ITPKC: variants seen among roughly 807,000 people sequenced by gnomAD.
ITPKC encodes the protein inositol-trisphosphate 3-kinase C.
In ITPKC, 33 loss-of-function variants were observed where a neutral mutation model predicts 67.1. The observed-to-expected ratio is 0.49, with a 90% CI of 0.37 to 0.66. The LOEUF (loss-of-function observed/expected upper bound fraction) is 0.66. ITPKC is among the 30% of genes least tolerant of loss of function. ITPKC has a pLI of 0.00. For synonymous variants in ITPKC, 341 were observed against 359.8 expected (o/e 0.95, Z 0.59); for missense variants, 820 against 892.1 (o/e 0.92, Z 1.03).
In ITPKC at chr19:40,739,421, A is replaced by G; in HGVS notation, c.1913A>G (p.Asp638Gly). The change falls in exon 7 of 7, where the codon GAC becomes GGC. Residue 638 changes from aspartate to glycine, a missense_variant. Asp to Gly is a moderately conservative substitution (Grantham distance 94). Transcript: ENST00000263370. ...GGCCTGGCCAAGGTCTGGATGATAG[A>G]CTTCGGCAAGACGGTGGCCTTGCCC... Reference protein sequence around the residue: ...HTGLAKVWMIDFGKTVALPDH... With the variant: ...HTGLAKVWMIGFGKTVALPDH... 1.2e-6 allele frequency: 2 copies of G among 1,613,680 alleles called. No individual in the cohort carries two copies. Among genetic ancestry groups the G allele is most frequent in the Non-Finnish European group, 1.7e-6 (2 of 1,180,030 alleles).
At chr19:40,725,466 T>C in intron 2 of ITPKC, 27 bp downstream of exon 2, 1 of 1,450,128 alleles carries the variant, frequency 6.9e-7, no homozygotes, top group Non-Finnish European at 9.7e-7. Flanking sequence ...TGGACAGAGC[T>C]GGGCAGAGTC....
At chr19:40,720,499 G>A (rs999494567) in intron 1 of ITPKC, among the ~76,000 whole-genome samples, 1 of 152,180 alleles carries the variant, frequency 6.6e-6, no homozygotes, top group Non-Finnish European at 1.5e-5. Flanking sequence ...CAAACCCATC[G>A]TTTAAACCCT....
At position 40,718,121 on chromosome 19, in the gene ITPKC, G is replaced by A. The variant is rs1204587675; in HGVS notation, c.986G>A (p.Arg329His). The A allele has an allele frequency of 3.7e-6, 6 of 1,611,780 alleles. No individual in the cohort carries two copies. The highest frequency in any genetic ancestry group is 2.2e-5 in the South Asian group (2 of 91,038). The change falls in exon 1 of 7, where the codon CGC becomes CAC. Residue 329 changes from arginine to histidine, a missense_variant. This residue lies in a region of ITPKC where 481 missense variants were observed against 470.1 expected (regional missense o/e 1.02). Coordinates refer to ENST00000263370, the MANE Select transcript of ITPKC (RefSeq NM_025194.3). ...TGTAGCCCCCTGTGCCCTGTGCCCC[G>A]CCTCATCATTACCCCTGAGACCCCT... ...LKCSPLCPVP[R>H]LIITPETPEP...
At chr19:40,739,223 G>A (rs1394517910) in intron 6 of ITPKC, 134 bp from the exon 7 acceptor site, 2 of 638,272 alleles carry the variant, frequency 3.1e-6, no homozygotes, top group Non-Finnish European at 5.5e-6. Context: ...GACAGGAGGT[G>A]GCACAGCCAG....
chr19:40,734,781 GT>G (rs34843018), intron 4 of ITPKC, among the ~76,000 whole-genome samples: 85 of 114,860 alleles, frequency 7.4e-4, no homozygotes, highest in Middle Eastern at 5.2e-3. Context: ...GCTAATTGTT[GT>G]TTTTTTTTTT....
intron 3 of ITPKC, among the ~76,000 whole-genome samples, chr19:40,731,674 C>T (rs1028114538): frequency 1.3e-5 from 2 of 150,444 alleles, no homozygotes; most frequent in South Asian, 2.1e-4. Flanking sequence ...CTGATCCGCC[C>T]GCCTTGGCCT....
chr19:40,735,925 C>T (rs544219506), intron 4 of ITPKC, among the ~76,000 whole-genome samples: 1 of 152,344 alleles, frequency 6.6e-6, no homozygotes, highest in African/African-American at 2.4e-5. Context: ...TAGACACCAA[C>T]ACAATTCCCG....
At chr19:40,736,046 C>T (rs1020315060) in intron 4 of ITPKC, among the ~76,000 whole-genome samples, 8 of 152,178 alleles carry the variant, frequency 5.3e-5, no homozygotes, top group Admixed American at 2.0e-4. Context: ...AATCCTAGCA[C>T]TTTGGGAGGC....
chr19:40,729,478 T>G lies in ITPKC; in HGVS notation c.1469+63T>G. On this transcript the variant is annotated intron_variant, in intron 3 of 6. Coordinates refer to ENST00000263370, the MANE Select transcript of ITPKC (RefSeq NM_025194.3). ...AGGGGGTGGGCATTATTGAAAATAT[T>G]GGCCTGGCCAGGCGCGGTGGCTCAC... The G allele has an allele frequency of 4.8e-6, 7 of 1,446,030 alleles. No individual in the cohort carries two copies. The Admixed American group carries it at 1.4e-4, about 28-fold the overall frequency. The allele number at this position is 1,446,030 out of a possible 1,614,324, so 89.6% of individuals were successfully genotyped here. A position where few individuals can be genotyped will look rare whatever the true frequency, so the allele number is the denominator to read the frequency against.
intron 2 of ITPKC, among the ~76,000 whole-genome samples, chr19:40,727,869 C>T (rs550415346): frequency 1.5e-3 from 225 of 152,270 alleles, no homozygotes; most frequent in African/African-American, 5.2e-3. Flanking sequence ...GGCGGGAGTG[C>T]AGTGGTGCAG....
rs1187157853 is a variant in ITPKC, at chr19:40,717,455, A to G, written c.320A>G (p.Glu107Gly). Residue 107 changes from glutamate to glycine, a missense_variant, in exon 1 of 7, where the codon GAG becomes GGG. By Grantham distance (98) the Glu-to-Gly change is moderately conservative (BLOSUM62 -2). Coordinates refer to ENST00000263370, the MANE Select transcript of ITPKC (RefSeq NM_025194.3). The stretch of plus-strand genomic sequence containing the variant: ...GCAGCTGGCCTTGGAGTAGAGACCG[A>G]GAGGCCCAAGCAAAAGACGGAGCCA... ...PAAAGLGVET[E>G]RPKQKTEPDR... is the part of the protein sequence containing the mutation. 1 of 1,614,102 alleles carries G rather than the reference A, an allele frequency of 6.2e-7. No individual in the cohort carries two copies. The highest frequency in any genetic ancestry group is 1.1e-5 in the South Asian group (1 of 91,088).
At chr19:40,726,626 G>T (rs530194569) in intron 2 of ITPKC, among the ~76,000 whole-genome samples, 1 of 152,172 alleles carries the variant, frequency 6.6e-6, no homozygotes, top group African/African-American at 2.4e-5. Flanking sequence ...GACAGTAAGA[G>T]AATTTGTCTG....
intron 3 of ITPKC, among the ~76,000 whole-genome samples, chr19:40,729,917 C>G (rs1446464502): frequency 6.6e-6 from 1 of 152,148 alleles, no homozygotes; most frequent in Non-Finnish European, 1.5e-5. Flanking sequence ...TAACTTAAAC[C>G]ATTCCGATGG....
intron 2 of ITPKC, among the ~76,000 whole-genome samples, 184 bp from the exon 3 acceptor site, chr19:40,729,018 A>T (rs142771033): frequency 2.7e-4 from 41 of 152,144 alleles, no homozygotes; most frequent in African/African-American, 8.7e-4. Flanking sequence ...ACAGAGTGGG[A>T]CTCCATCTCA....
chr19:40,720,315 C>T (rs935257973), intron 1 of ITPKC, among the ~76,000 whole-genome samples: 4 of 150,796 alleles, frequency 2.7e-5, no homozygotes, highest in East Asian at 3.9e-4. Context: ...TGCAGTGAGC[C>T]GAGATTGCAC....
chr19:40,717,591 C>T lies in ITPKC; in HGVS notation c.456C>T (p.Ser152=), dbSNP rs199888657. 3.7e-6 allele frequency: 6 copies of T among 1,613,988 alleles called. No homozygotes were observed. The highest frequency in any genetic ancestry group is 1.1e-5 in the South Asian group (1 of 91,080). ...TDGLWTDPHR[S]DLQFQPEEAS... ...GCCTTTGGACTGATCCGCACAGGTC[C>T]GACCTCCAGTTTCAGCCCGAGGAGG... Residue 152 remains serine, a synonymous_variant, in exon 1 of 7, where the codon TCC becomes TCT. Coordinates refer to ENST00000263370, the MANE Select transcript of ITPKC (RefSeq NM_025194.3).
In ITPKC at chr19:40,717,209, G is replaced by A. The variant is rs1251220817; in HGVS notation, c.74G>A (p.Gly25Glu). The A allele has an allele frequency of 8.1e-6, 10 of 1,239,094 alleles. No homozygotes were observed. The highest frequency in any genetic ancestry group is 8.6e-5 in the Admixed American group (2 of 23,382). The allele number at this position is 1,239,094 out of a possible 1,614,324, so 76.8% of individuals were successfully genotyped here. A position where few individuals can be genotyped will look rare whatever the true frequency, so the allele number is the denominator to read the frequency against. ...AGALPAAARM[G>E]LEAPRGGRRR... is the part of the protein sequence containing the mutation. ...GCGCTGCCCGCGGCGGCCCGCATGGGACTGGAGGCGCCGCGAGGAGGGCGG... is the reference window on the plus strand; with the variant it reads ...GCGCTGCCCGCGGCGGCCCGCATGGAACTGGAGGCGCCGCGAGGAGGGCGG... Residue 25 changes from glycine to glutamate, a missense_variant, in exon 1 of 7, where the codon GGA becomes GAA. Physicochemically the swap from Gly to Glu is moderately conservative, Grantham distance 98 (BLOSUM62 -2). Transcript: ENST00000263370.
intron 3 of ITPKC, among the ~76,000 whole-genome samples, chr19:40,732,215 T>G (rs2082273986): frequency 7.9e-6 from 1 of 127,076 alleles, no homozygotes. Context: ...ACTCCAGCCT[T>G]GGTGACAGAG....
intron 3 of ITPKC, among the ~76,000 whole-genome samples, chr19:40,732,406 T>C (rs1411842227): frequency 1.3e-5 from 2 of 150,584 alleles, no homozygotes; most frequent in Non-Finnish European, 2.9e-5. Context: ...GGCGGGCACC[T>C]GTAATCCCAG....
Sources: allele counts gnomAD v4.1 joint callset (sites outside exome capture counted in the v4.1 genomes callset), GRCh38; gene constraint gnomAD v4.1.1; regional missense constraint gnomAD v4.1.1; transcripts MANE v1.5; gene names NCBI Gene and HGNC (gene_info 2026-07-23, HGNC 2026-07-21).